Variants in SOX5 observed in about 807,000 individuals in gnomAD.
SOX5 encodes the protein SRY-box transcription factor 5.
SOX5 carries 9 observed loss-of-function variants against 92.0 expected under a neutral mutation model. The observed-to-expected ratio is 0.10, with a 90% CI of 0.06 to 0.17. The LOEUF (loss-of-function observed/expected upper bound fraction) is 0.17, where lower values mean the gene tolerates loss of function less well. Among genes scored for constraint, SOX5 ranks in the 10% least tolerant of loss-of-function variants. The probability of loss-of-function intolerance (pLI) is 1.00; values close to 1 mark genes in which losing one functional copy is unlikely to be tolerated. For missense variants in SOX5, 642 were observed against 944.5 expected, an observed-to-expected ratio of 0.68 and a Z score of 4.20; for synonymous variants, 344 against 336.3, an observed-to-expected ratio of 1.02 and a Z score of -0.25.
chr12:23,912,701 T>C (rs955942835), intron 1 of SOX5, among the ~76,000 whole-genome samples: 10 of 152,180 alleles, frequency 6.6e-5, no homozygotes, highest in African/African-American at 2.2e-4. Context: ...CTGATGAACC[T>C]TGAAAACATT....
At chr12:24,230,670 C>CT (rs1963192557) in intron 3 of SOX5, 1 of 152,146 alleles carries the variant, frequency 6.6e-6, no homozygotes, top group African/African-American at 2.4e-5. Context: ...CACTTAAGAT[C>CT]AGGGTTCAAA....
chr12:24,017,497 G>T (rs1953775333), intron 4 of SOX5, among the ~76,000 whole-genome samples: 1 of 152,138 alleles, frequency 6.6e-6, no homozygotes, highest in Non-Finnish European at 1.5e-5. Flanking sequence ...CTACTTGGGA[G>T]GCTGAGGCAG....
At chr12:24,432,164 G>T (rs1284124471) in intron 1 of SOX5, among the ~76,000 whole-genome samples, 1 of 152,164 alleles carries the variant, frequency 6.6e-6, no homozygotes, top group African/African-American at 2.4e-5. Context: ...GTATTCTGTT[G>T]TGGGTTTTAG....
At chr12:23,559,735 C>G (rs183040082) in intron 11 of SOX5, among the ~76,000 whole-genome samples, 19 of 152,308 alleles carry the variant, frequency 1.2e-4, no homozygotes, top group Non-Finnish European at 2.2e-4. Flanking sequence ...ATCTCCACCA[C>G]AAGATTTCAA....
At chr12:23,544,937 T>C (rs181038661) in intron 12 of SOX5, among the ~76,000 whole-genome samples, 1 of 152,344 alleles carries the variant, frequency 6.6e-6, no homozygotes, top group African/African-American at 2.4e-5. Flanking sequence ...ATGAACATTA[T>C]GTGTCTTCAT....
intron 4 of SOX5, among the ~76,000 whole-genome samples, chr12:24,081,182 C>T (rs1012738419): frequency 1.3e-5 from 2 of 151,904 alleles, no homozygotes; most frequent in African/African-American, 2.4e-5. Flanking sequence ...CTACAGAGCT[C>T]GCGCTGCCAT....
At chr12:23,877,403 A>T (rs1296008533) in intron 2 of SOX5, among the ~76,000 whole-genome samples, 1 of 151,904 alleles carries the variant, frequency 6.6e-6, no homozygotes, top group Non-Finnish European at 1.5e-5. Context: ...CTTTGAATTT[A>T]AAAAAAATTG....
At chr12:24,484,249 T>C (rs892071126) in intron 1 of SOX5, among the ~76,000 whole-genome samples, 8 of 152,156 alleles carry the variant, frequency 5.3e-5, no homozygotes, top group African/African-American at 1.7e-4. Context: ...ATTGTTTCCA[T>C]TTGGTTTACT....
intron 2 of SOX5, among the ~76,000 whole-genome samples, chr12:24,304,717 A>G (rs1490757615): frequency 6.6e-6 from 1 of 152,044 alleles, no homozygotes; most frequent in Admixed American, 6.6e-5. Context: ...ATGTCCCCCA[A>G]TTTACTCATC....
At chr12:23,870,206 T>C (rs1180923049) in intron 2 of SOX5, among the ~76,000 whole-genome samples, 1 of 151,960 alleles carries the variant, frequency 6.6e-6, no homozygotes, top group Non-Finnish European at 1.5e-5. Context: ...CTAGGGAAGG[T>C]AATTGAAAAT....
chr12:23,665,580 G>A lies in SOX5; in HGVS notation c.811-16C>T, dbSNP rs199751340. 34 of 1,595,210 alleles carry A rather than the reference G, an allele frequency of 2.1e-5. No homozygotes were observed. In the African/African-American group the frequency reaches 3.8e-4, roughly 18 times the overall value. On this transcript the variant is annotated splice_polypyrimidine_tract_variant and intron_variant, in intron 6 of 14. Transcript: ENST00000451604. ...GACCTTGAACCTGCTGAACGTGATAGAGCGAATCAAAGAGAAGAAGTTTCG... is the reference window on the plus strand; with the variant it reads ...GACCTTGAACCTGCTGAACGTGATAAAGCGAATCAAAGAGAAGAAGTTTCG...
At chr12:23,676,493 C>A (rs16926575) in intron 6 of SOX5, among the ~76,000 whole-genome samples, 1 of 152,056 alleles carries the variant, frequency 6.6e-6, no homozygotes, top group East Asian at 1.9e-4. Context: ...GCAAAATACA[C>A]TCATTCATTG....
At position 24,242,407 on chromosome 12, in the gene SOX5, G is replaced by A. The variant is rs570838864; in HGVS notation, c.-76-28990C>T. Among the ~76,000 whole-genome samples the A allele has an allele frequency of 9.6e-4, 146 of 152,168 alleles. 1 individual carries two copies. Among genetic ancestry groups the A allele is most frequent in the South Asian group, 8.9e-3 (43 of 4,824 alleles). On this transcript the variant is annotated intron_variant, in intron 3 of 4. Transcript: ENST00000446891. ...CAGTTCTGTTCATTTCCCCACTAAA[G>A]CAAATGTTTCAATGTATGTGTCATG...
intron 6 of SOX5, among the ~76,000 whole-genome samples, chr12:23,722,403 C>T (rs1320948436): frequency 2.0e-5 from 3 of 152,140 alleles, no homozygotes; most frequent in Non-Finnish European, 4.4e-5. Flanking sequence ...AAATTACTAT[C>T]TATGTTAGTG....
chr12:23,620,003 C>G (rs1222694766), intron 8 of SOX5, among the ~76,000 whole-genome samples: 1 of 151,864 alleles, frequency 6.6e-6, no homozygotes, highest in Non-Finnish European at 1.5e-5. Context: ...AAGTAAAATC[C>G]CAAATGTGCA....
intron 4 of SOX5, among the ~76,000 whole-genome samples, chr12:24,115,411 A>G (rs954067020): frequency 1.3e-5 from 2 of 152,218 alleles, no homozygotes; most frequent in Non-Finnish European, 2.9e-5. Context: ...AATCTCCGAA[A>G]TTTTTGTTCC....
intron 4 of SOX5, among the ~76,000 whole-genome samples, chr12:24,183,162 G>GTT (rs1594030919): frequency 6.6e-6 from 1 of 151,970 alleles, no homozygotes; most frequent in African/African-American, 2.4e-5. Flanking sequence ...ATTAGTATGC[G>GTT]TTTTCTAGAT....
intron 7 of SOX5, among the ~76,000 whole-genome samples, chr12:23,663,833 T>C (rs999505036): frequency 1.5e-4 from 23 of 152,060 alleles, no homozygotes; most frequent in Non-Finnish European, 2.9e-4. Flanking sequence ...AGAATGAATA[T>C]AGTATTTAAT....
At chr12:24,010,047 G>C (rs1381627441) in intron 4 of SOX5, among the ~76,000 whole-genome samples, 1 of 152,138 alleles carries the variant, frequency 6.6e-6, no homozygotes, top group East Asian at 1.9e-4. Flanking sequence ...TCTAGTCCAA[G>C]CTTTGGATTC....
Sources: gnomAD v4.1 joint callset for allele counts (sites outside exome capture counted in the v4.1 genomes callset) on GRCh38, gnomAD v4.1.1 for gene constraint, MANE v1.5 for transcripts, NCBI Gene and HGNC (gene_info 2026-07-23, HGNC 2026-07-21) for gene names.